Variants in THBS4 observed in about 807,000 individuals in gnomAD.
THBS4 encodes the protein thrombospondin 4.
A neutral mutation model predicts 115.7 loss-of-function variants in THBS4; 90 were observed. That is an observed-to-expected ratio of 0.78 (90% CI 0.66 to 0.93). THBS4 has a LOEUF of 0.93. THBS4 is among the 40% of genes least tolerant of loss of function. The pLI is 0.00. For synonymous variants in THBS4, 460 were observed against 479.3 expected, an observed-to-expected ratio of 0.96 and a Z score of 0.53; for missense variants, 1,087 against 1,232.7, an observed-to-expected ratio of 0.88 and a Z score of 1.77.
rs1002540385 is a variant in THBS4 at position 80,079,269 on chromosome 5, T to A, written c.2511+11T>A. 3.2e-6 allele frequency: 5 copies of A among 1,582,492 alleles called. No homozygotes were observed. Among genetic ancestry groups the A allele is most frequent in the Non-Finnish European group, 4.3e-6 (5 of 1,163,674 alleles). ...GGCATTCAGCTCAAGGTATTGGTGGTTTGAAGTCATTCATCTCCCTTTCTT... is the reference window on the plus strand; with the variant it reads ...GGCATTCAGCTCAAGGTATTGGTGGATTGAAGTCATTCATCTCCCTTTCTT... On this transcript the variant is annotated intron_variant, in intron 19 of 21. Transcript: ENST00000350881.
chr5:80,083,105 G>A lies in THBS4; in HGVS notation c.2850G>A (p.Glu950=), dbSNP rs759200589. 1.2e-6 allele frequency: 2 copies of A among 1,613,916 alleles called. No individual in the cohort carries two copies. Among genetic ancestry groups the A allele is most frequent in the East Asian group, 2.2e-5 (1 of 44,904 alleles). ...ACACCATCCCTGAGGACTTCCAAGA[G>A]TTTCAAACCCAGAATTTCGACCGCT... ...CNDTIPEDFQ[E]FQTQNFDRFD... is the part of the protein sequence containing the mutation. Residue 950 remains glutamate (E), a synonymous_variant, in exon 22 of 22, where the codon GAG becomes GAA. Coordinates refer to ENST00000350881, the MANE Select transcript of THBS4 (RefSeq NM_003248.6).
intron 2 of THBS4, among the ~76,000 whole-genome samples, chr5:80,054,172 TTTGA>T (rs1833345765): frequency 4.7e-5 from 7 of 149,972 alleles, no homozygotes; most frequent in South Asian, 2.1e-4. Flanking sequence ...TTTTTTTTTT[TTTGA>T]GACAGGATCG....
At chr5:80,020,499 CA>C (rs376768590) in intron 2 of THBS4, among the ~76,000 whole-genome samples, 21 of 151,910 alleles carry the variant, frequency 1.4e-4, no homozygotes, top group Non-Finnish European at 2.9e-4. Context: ...AACAAACAAA[CA>C]AAAAAAGAAA....
At chr5:80,043,243 G>A (rs1832960861) in intron 2 of THBS4, among the ~76,000 whole-genome samples, 1 of 152,154 alleles carries the variant, frequency 6.6e-6, no homozygotes, top group Non-Finnish European at 1.5e-5. Context: ...GCCAGCACTG[G>A]TGAATATAAA....
chr5:80,039,271 A>G (rs887200669), intron 1 of THBS4, among the ~76,000 whole-genome samples: 1 of 152,232 alleles, frequency 6.6e-6, no homozygotes, highest in African/African-American at 2.4e-5. Context: ...TCCACTGAGT[A>G]TTACCCAAAT....
chr5:80,047,578 C>T (rs1477103671), intron 2 of THBS4, among the ~76,000 whole-genome samples: 1 of 151,146 alleles, frequency 6.6e-6, no homozygotes, highest in Non-Finnish European at 1.5e-5. Context: ...GAGTCTGAGG[C>T]AGGAGTATCA....
At chr5:80,056,354 G>C (rs79006209) in intron 3 of THBS4, among the ~76,000 whole-genome samples, 1 of 152,172 alleles carries the variant, frequency 6.6e-6, no homozygotes, top group African/African-American at 2.4e-5. Flanking sequence ...CAATTGTAAC[G>C]TTGGAAAGGA....
chr5:80,049,414 A>AT (rs920790322), intron 2 of THBS4, among the ~76,000 whole-genome samples: 34 of 151,882 alleles, frequency 2.2e-4, no homozygotes, highest in African/African-American at 7.7e-4. Context: ...CGCCCACCTA[A>AT]TTTTTTTTGT....
intron 20 of THBS4, among the ~76,000 whole-genome samples, chr5:80,081,269 G>T (rs1743491801): frequency 6.6e-6 from 1 of 152,148 alleles, no homozygotes; most frequent in Admixed American, 6.6e-5. Flanking sequence ...TTGTCTCACA[G>T]TGAGATGATC....
At chr5:80,046,311 G>A (rs1833064026) in intron 2 of THBS4, among the ~76,000 whole-genome samples, 1 of 152,198 alleles carries the variant, frequency 6.6e-6, no homozygotes, top group Non-Finnish European at 1.5e-5. Context: ...TAACTATTCA[G>A]GAGCAGATGA....
chr5:79,994,896 G>C (rs748830184), intron 1 of THBS4, among the ~76,000 whole-genome samples: 6 of 152,228 alleles, frequency 3.9e-5, no homozygotes, highest in African/African-American at 1.4e-4. Context: ...ACAAAGGCTT[G>C]AATGTACTGC....
intron 14 of THBS4, 62 bp from the exon 15 acceptor site, chr5:80,073,213 T>C: frequency 3.2e-6 from 5 of 1,553,874 alleles, no homozygotes; most frequent in Non-Finnish European, 4.4e-6. Flanking sequence ...AGGTCTGCCT[T>C]CTCTGGAACA....
At chr5:79,992,557 TTAA>T (rs1389151970) in intron 1 of THBS4, among the ~76,000 whole-genome samples, 2 of 152,246 alleles carry the variant, frequency 1.3e-5, no homozygotes, top group South Asian at 2.1e-4. Flanking sequence ...TGAGAATTCA[TTAA>T]TAATAACTGT....
At chr5:80,023,335 C>A (rs1337148414) in intron 2 of THBS4, among the ~76,000 whole-genome samples, 1 of 152,190 alleles carries the variant, frequency 6.6e-6, no homozygotes, top group African/African-American at 2.4e-5. Context: ...ACACACTCCA[C>A]CTGAGTTTGG....
chr5:80,021,543 G>C (rs1426933169), intron 2 of THBS4, among the ~76,000 whole-genome samples: 1 of 151,730 alleles, frequency 6.6e-6, no homozygotes, highest in East Asian at 1.9e-4. Context: ...CAGGGTCTCT[G>C]TCATCCAGGC....
At position 80,056,106 on chromosome 5, in the gene THBS4, T is replaced by A. The variant is rs1424445056; in HGVS notation, c.540+74T>A. On this transcript the variant is annotated intron_variant, in intron 3 of 21. Transcript: ENST00000350881. ...GCCTAGGGAGTGCAGAGGAGCGTGCTGAGAAATTCCTGCTGCAGGTCAGTG... is the reference window on the plus strand; with the variant it reads ...GCCTAGGGAGTGCAGAGGAGCGTGCAGAGAAATTCCTGCTGCAGGTCAGTG... The A allele has an allele frequency of 6.8e-6, 10 of 1,480,896 alleles. No individual in the cohort carries two copies. In the African/African-American group the frequency reaches 8.4e-5, roughly 12 times the overall value. 91.7% of individuals were successfully genotyped at this position (1,480,896 alleles called of 1,614,324 possible). A position where few individuals can be genotyped will look rare whatever the true frequency, so the allele number is the denominator to read the frequency against.
rs1446287246 is a variant in THBS4 at position 80,070,226 on chromosome 5, G to A, written c.1348-80G>A. On this transcript the variant is annotated intron_variant, in intron 10 of 21. Transcript: ENST00000350881. ...GGCCCTCCCCCTGGGATTGAGCAAA[G>A]GAGCAGAGAGGCCCTTGTCAGCCAC... is the stretch of plus-strand genomic sequence containing the variant. 1.1e-5 allele frequency: 13 copies of A among 1,230,566 alleles called. No homozygotes were observed. In the East Asian group the frequency reaches 1.6e-4, roughly 16 times the overall value. The allele number at this position is 1,230,566 out of a possible 1,614,324, so 76.2% of individuals were successfully genotyped here.
In THBS4 at chr5:80,072,277, G is replaced by A. The variant is rs749896291; in HGVS notation, c.1721-1G>A. The A allele has an allele frequency of 3.1e-6, 5 of 1,613,764 alleles. No homozygotes were observed. Among genetic ancestry groups the A allele is most frequent in the Non-Finnish European group, 4.2e-6 (5 of 1,179,716 alleles). On this transcript the variant is annotated splice_acceptor_variant, in intron 13 of 21. Coordinates refer to ENST00000350881, the MANE Select transcript of THBS4 (RefSeq NM_003248.6). LOFTEE classifies it high-confidence loss of function. The stretch of plus-strand genomic sequence containing the variant: ...CTCAAGGTAGCATTTCTTTCTCACA[G>A]GAATAAAAAACATTCTGGACAACTG...
chr5:80,063,155 T>C (rs984358240), intron 8 of THBS4, among the ~76,000 whole-genome samples: 1 of 152,222 alleles, frequency 6.6e-6, no homozygotes, highest in Non-Finnish European at 1.5e-5. Flanking sequence ...CCACCAACAG[T>C]GTAAAAGTGT....
Sources: allele counts gnomAD v4.1 joint callset (sites outside exome capture counted in the v4.1 genomes callset), GRCh38; gene constraint gnomAD v4.1.1; transcripts MANE v1.5; gene names NCBI Gene and HGNC (gene_info 2026-07-23, HGNC 2026-07-21).